Variants in TGFBR2 observed in about 807,000 individuals in gnomAD.
TGFBR2 encodes transforming growth factor beta receptor 2, also known as TGF-beta receptor type-2.
In TGFBR2, 18 loss-of-function variants were observed where a neutral mutation model predicts 49.0. That is an observed-to-expected ratio of 0.37 (90% CI 0.25 to 0.54). The LOEUF is 0.54. TGFBR2 is among the 20% of genes least tolerant of loss of function. The pLI, the probability that TGFBR2 is intolerant of heterozygous loss-of-function variation, is 0.85. For missense variants in TGFBR2, 525 were observed against 722.6 expected (o/e 0.73, Z 3.13); for synonymous variants, 282 against 275.9 (o/e 1.02, Z -0.22).
At chr3:30,679,105 G>A (rs1435395722) in intron 5 of TGFBR2, among the ~76,000 whole-genome samples, 1 of 152,120 alleles carries the variant, frequency 6.6e-6, no homozygotes, top group Admixed American at 6.6e-5. Context: ...CTTACCTCCA[G>A]GCTTTGTCTC....
In TGFBR2 at chr3:30,691,671, C is replaced by A; in HGVS notation, c.*72C>A. The stretch of plus-strand genomic sequence containing the variant: ...ACCAAAGAACAGAGGCAGCAGGAAG[C>A]TGCCCCTGAACTGATGCTTCCTGGA... On this transcript the variant is annotated 3_prime_UTR_variant, in exon 7 of 7. Transcript: ENST00000295754. 6.3e-7 allele frequency: 1 copy of A among 1,587,186 alleles called. No homozygotes were observed. The highest frequency in any genetic ancestry group is 8.6e-7 in the Non-Finnish European group (1 of 1,156,912).
intron 3 of TGFBR2, among the ~76,000 whole-genome samples, chr3:30,652,970 T>C (rs1698922396): frequency 6.6e-6 from 1 of 152,346 alleles, no homozygotes; most frequent in East Asian, 1.9e-4. Flanking sequence ...TTTCCTCTTA[T>C]TTATTCTCAG....
intron 1 of TGFBR2, among the ~76,000 whole-genome samples, chr3:30,611,012 AG>A (rs1698019359): frequency 6.6e-6 from 1 of 152,208 alleles, no homozygotes; most frequent in Non-Finnish European, 1.5e-5. Flanking sequence ...CATCTTCTTG[AG>A]GAAACCTGCT....
chr3:30,667,683 GC>G (rs1300753382), intron 3 of TGFBR2, among the ~76,000 whole-genome samples: 1 of 152,148 alleles, frequency 6.6e-6, no homozygotes, highest in African/African-American at 2.4e-5. Context: ...ATTGAAATTA[GC>G]AAATACGACT....
At chr3:30,675,378 C>T (rs1699416829) in intron 5 of TGFBR2, among the ~76,000 whole-genome samples, 1 of 143,196 alleles carries the variant, frequency 7.0e-6, no homozygotes, top group South Asian at 2.2e-4. Flanking sequence ...CAAATGAAGC[C>T]AAACTAACTC....
chr3:30,687,620 G>C (rs1459335469), intron 5 of TGFBR2, among the ~76,000 whole-genome samples: 1 of 152,112 alleles, frequency 6.6e-6, no homozygotes. Flanking sequence ...ATTTTTAAGT[G>C]TACAGTTTAC....
chr3:30,687,613 T>G (rs1699647398), intron 5 of TGFBR2, among the ~76,000 whole-genome samples: 2 of 152,210 alleles, frequency 1.3e-5, no homozygotes, highest in African/African-American at 4.8e-5. Flanking sequence ...CTTAACCATT[T>G]TTAAGTGTAC....
chr3:30,641,331 T>C (rs1698639994), intron 1 of TGFBR2, among the ~76,000 whole-genome samples: 1 of 152,146 alleles, frequency 6.6e-6, no homozygotes. Flanking sequence ...ATTCCACCAG[T>C]ACATATGGTA....
intron 1 of TGFBR2, among the ~76,000 whole-genome samples, chr3:30,619,878 G>T (rs1698195862): frequency 6.6e-6 from 1 of 152,102 alleles, no homozygotes; most frequent in Admixed American, 6.6e-5. Context: ...TACCTGTGCT[G>T]TCTCTGTGTG....
chr3:30,630,311 G>A (rs545560227), intron 1 of TGFBR2, among the ~76,000 whole-genome samples: 86 of 152,234 alleles, frequency 5.6e-4, no homozygotes, highest in Non-Finnish European at 1.1e-3. Flanking sequence ...ATAAAGAGTT[G>A]TCTTAAGAAA....
intron 3 of TGFBR2, among the ~76,000 whole-genome samples, 195 bp from the exon 4 acceptor site, chr3:30,671,443 G>A (rs534504115): frequency 6.1e-4 from 93 of 152,330 alleles, no homozygotes; most frequent in Non-Finnish European, 1.1e-3. Flanking sequence ...AGCAGGGGAT[G>A]ACGAACAGAT....
At chr3:30,651,295 A>G (rs1183181817) in intron 3 of TGFBR2, among the ~76,000 whole-genome samples, 1 of 152,190 alleles carries the variant, frequency 6.6e-6, no homozygotes, top group South Asian at 2.1e-4. Flanking sequence ...GATCATCTGT[A>G]TTGACAATGT....
intron 2 of TGFBR2, among the ~76,000 whole-genome samples, chr3:30,646,455 G>C (rs1698743335): frequency 6.6e-6 from 1 of 152,188 alleles, no homozygotes; most frequent in South Asian, 2.1e-4. Flanking sequence ...GTACAGTGAA[G>C]AGAGATCGTG....
At chr3:30,663,184 C>CTGTGTG (rs139503158) in intron 3 of TGFBR2, among the ~76,000 whole-genome samples, 2 of 151,156 alleles carry the variant, frequency 1.3e-5, no homozygotes, top group South Asian at 2.1e-4. Context: ...CACTCTCTTT[C>CTGTGTG]TGTGTGTGTG....
intron 5 of TGFBR2, among the ~76,000 whole-genome samples, chr3:30,678,685 GGCT>G (rs949154222): frequency 5.7e-4 from 86 of 152,210 alleles, no homozygotes; most frequent in African/African-American, 2.0e-3. Flanking sequence ...GAGTAAGTGT[GGCT>G]GCTTGGATTT....
chr3:30,664,004 G>C lies in TGFBR2; in HGVS notation c.455-7634G>C, dbSNP rs553926653. 2.8e-3 allele frequency among the ~76,000 whole-genome samples: 419 copies of C among 150,992 alleles called. 4 individuals are homozygous for C. Among genetic ancestry groups the C allele is most frequent in the African/African-American group, 9.9e-3 (406 of 41,040 alleles). On this transcript the variant is annotated intron_variant, in intron 3 of 6. Transcript: ENST00000295754. ...GGGGGGGGGAGTTGGGGGGGCAGGG[G>C]GAGATGTTCTCGTTCTGTTGCCCAG...
chr3:30,671,541 T>G (rs1699336924), intron 3 of TGFBR2, 97 bp from the exon 4 acceptor site: 1 of 1,236,948 alleles, frequency 8.1e-7, no homozygotes, highest in African/African-American at 1.5e-5. Flanking sequence ...ACTATGCAGA[T>G]GCTAAAATCT....
chr3:30,623,247 A>G, intron 1 of TGFBR2: 1 of 1,613,718 alleles, frequency 6.2e-7, no homozygotes, highest in Non-Finnish European at 8.5e-7. Flanking sequence ...CCCAGCTGTA[A>G]TAGGACTGCC....
intron 1 of TGFBR2, among the ~76,000 whole-genome samples, chr3:30,631,575 C>T (rs982285340): frequency 9.3e-5 from 14 of 150,652 alleles, no homozygotes; most frequent in African/African-American, 3.4e-4. Flanking sequence ...ATTTCCTGCC[C>T]TTTGTTGTCC....
Sources: allele counts gnomAD v4.1 joint callset (sites outside exome capture counted in the v4.1 genomes callset), GRCh38; gene constraint gnomAD v4.1.1; transcripts MANE v1.5; gene names NCBI Gene and HGNC (gene_info 2026-07-23, HGNC 2026-07-21).